The following POFUT3 variants were observed in gnomAD, a reference collection of about 807,000 sequenced individuals.
POFUT3 encodes the protein protein O-fucosyltransferase 3, also known as GDP-fucose protein O-fucosyltransferase 3.
chr8:33,327,187 T>G, the POFUT3 span, among the ~76,000 whole-genome samples: 1 of 152,202 alleles, frequency 6.6e-6, no homozygotes, highest in Non-Finnish European at 1.5e-5. Context: ...CAAATGATGC[T>G]GGCCTCGTTT....
the POFUT3 span, among the ~76,000 whole-genome samples, chr8:33,323,633 C>A: frequency 6.6e-6 from 1 of 152,072 alleles, no homozygotes; most frequent in Non-Finnish European, 1.5e-5. Context: ...AGACTTACTC[C>A]CAATTCAAGA....
At chr8:33,380,189 CTATATATATATACTA>C in the POFUT3 span, among the ~76,000 whole-genome samples, 247 of 39,898 alleles carry the variant, frequency 6.2e-3, 22 homozygotes, top group Admixed American at 0.076. Flanking sequence ...TATATATATA[CTATATATATATACTA>C]TATATATATA....
At chr8:33,310,298 G>C in the POFUT3 span, among the ~76,000 whole-genome samples, 1 of 152,038 alleles carries the variant, frequency 6.6e-6, no homozygotes, top group African/African-American at 2.4e-5. Flanking sequence ...TACAGAAAAA[G>C]CTCAAAAACA....
the POFUT3 span, chr8:33,460,746 G>T: frequency 4.1e-6 from 4 of 985,074 alleles, no homozygotes; most frequent in African/African-American, 5.2e-5. Context: ...TGCCTGACAC[G>T]TCCATTCACT....
the POFUT3 span, among the ~76,000 whole-genome samples, chr8:33,454,379 T>C: frequency 6.6e-6 from 1 of 152,300 alleles, no homozygotes; most frequent in African/African-American, 2.4e-5. Flanking sequence ...TCACCTCTTC[T>C]CTCTGACCAT....
At chr8:33,338,689 G>A in the POFUT3 span, among the ~76,000 whole-genome samples, 1 of 152,140 alleles carries the variant, frequency 6.6e-6, no homozygotes, top group South Asian at 2.1e-4. Flanking sequence ...AACTTCCACA[G>A]ACACTGCCCA....
At chr8:33,388,616 C>T in the POFUT3 span, among the ~76,000 whole-genome samples, 119 of 152,220 alleles carry the variant, frequency 7.8e-4, 1 homozygote, top group African/African-American at 2.9e-3. Context: ...CAATTACAGG[C>T]GTGAGCCATC....
At chr8:33,390,884 G>T in the POFUT3 span, among the ~76,000 whole-genome samples, 2 of 152,188 alleles carry the variant, frequency 1.3e-5, no homozygotes, top group Admixed American at 6.5e-5. Flanking sequence ...GTAAGCGATT[G>T]TTTCCTGGCT....
the POFUT3 span, among the ~76,000 whole-genome samples, chr8:33,381,670 A>T: frequency 6.6e-6 from 1 of 152,214 alleles, no homozygotes; most frequent in African/African-American, 2.4e-5. Flanking sequence ...AGCATTTGTT[A>T]CGAGTTCATC....
the POFUT3 span, among the ~76,000 whole-genome samples, chr8:33,361,965 G>A: frequency 6.6e-6 from 1 of 152,084 alleles, no homozygotes; most frequent in Non-Finnish European, 1.5e-5. Flanking sequence ...ACACGTAATT[G>A]TCAGATTCAC....
At chr8:33,312,254 T>C in the POFUT3 span, among the ~76,000 whole-genome samples, 1 of 124,514 alleles carries the variant, frequency 8.0e-6, no homozygotes, top group African/African-American at 3.5e-5. Context: ...AGAGCAAGAC[T>C]CCGTCTCAAA....
At chr8:33,384,029 C>G in the POFUT3 span, among the ~76,000 whole-genome samples, 2 of 151,536 alleles carry the variant, frequency 1.3e-5, no homozygotes, top group Non-Finnish European at 2.9e-5. Flanking sequence ...ACTGCAGCTG[C>G]CTTGCTGAAA....
the POFUT3 span, among the ~76,000 whole-genome samples, chr8:33,420,312 G>A: frequency 6.6e-6 from 1 of 152,030 alleles, no homozygotes; most frequent in East Asian, 1.9e-4. Context: ...GTAATTGCTG[G>A]TTCTATGTTG....
chr8:33,381,255 T>A, the POFUT3 span, among the ~76,000 whole-genome samples: 2 of 152,246 alleles, frequency 1.3e-5, no homozygotes, highest in African/African-American at 4.8e-5. Context: ...TCTGTTTTGT[T>A]CAGCTTAAAT....
At chr8:33,389,171 C>G in the POFUT3 span, 37 of 1,614,146 alleles carry the variant, frequency 2.3e-5, no homozygotes, top group Admixed American at 2.7e-4. Flanking sequence ...TCTGATGTAA[C>G]TTGCCAGTTC....
chr8:33,467,467 C>A, the POFUT3 span, among the ~76,000 whole-genome samples: 2 of 152,000 alleles, frequency 1.3e-5, no homozygotes, highest in Non-Finnish European at 2.9e-5. Flanking sequence ...CAAGAGGGTG[C>A]CCTAGAATAC....
chr8:33,414,416 C>A, the POFUT3 span, among the ~76,000 whole-genome samples: 1 of 152,148 alleles, frequency 6.6e-6, no homozygotes, highest in African/African-American at 2.4e-5. Flanking sequence ...TACCTACAGC[C>A]CCCTCACCCT....
the POFUT3 span, among the ~76,000 whole-genome samples, chr8:33,409,710 C>T: frequency 6.6e-6 from 1 of 152,052 alleles, no homozygotes; most frequent in Non-Finnish European, 1.5e-5. Context: ...CTGAGACCAT[C>T]CTGGCTAACA....
At chr8:33,471,573 C>A in the POFUT3 span, among the ~76,000 whole-genome samples, 4 of 152,110 alleles carry the variant, frequency 2.6e-5, no homozygotes, top group Non-Finnish European at 5.9e-5. Context: ...AAGTTTAAAG[C>A]ATTTAAATAT....
Sources: allele counts gnomAD v4.1 joint callset (sites outside exome capture counted in the v4.1 genomes callset), GRCh38; gene constraint gnomAD v4.1.1; transcripts MANE v1.5; gene names NCBI Gene and HGNC (gene_info 2026-07-23, HGNC 2026-07-21).